Variants in ZGRF1 observed in about 807,000 individuals in gnomAD.
The protein encoded by ZGRF1 is 5'-3' DNA helicase ZGRF1.
A neutral mutation model predicts 203.5 loss-of-function variants in ZGRF1; 196 were observed. The observed-to-expected ratio is 0.96, with a 90% confidence interval of 0.86 to 1.08. The LOEUF is 1.08. Ranked by LOEUF, ZGRF1 falls within the 50% of genes least tolerant of loss-of-function variation. ZGRF1 has a pLI of 0.00. For synonymous variants in ZGRF1, 809 were observed against 841.3 expected, an observed-to-expected ratio of 0.96 and a Z score of 0.66; for missense variants, 2,326 against 2,416.3, an observed-to-expected ratio of 0.96 and a Z score of 0.78.
At chr4:112,595,404 A>C (rs1443417990) in intron 10 of ZGRF1, among the ~76,000 whole-genome samples, 1 of 152,222 alleles carries the variant, frequency 6.6e-6, no homozygotes, top group Admixed American at 6.5e-5. Context: ...AAGAGAACAA[A>C]GCAGTGTAAT....
intron 1 of ZGRF1, among the ~76,000 whole-genome samples, chr4:112,634,623 C>T (rs539244606): frequency 1.3e-5 from 2 of 151,770 alleles, no homozygotes; most frequent in African/African-American, 2.4e-5. Flanking sequence ...TGCACTCCAG[C>T]CTGGGCGACA....
intron 16 of ZGRF1, among the ~76,000 whole-genome samples, chr4:112,580,215 G>A (rs1388597007): frequency 8.0e-6 from 1 of 124,550 alleles, no homozygotes; most frequent in African/African-American, 2.8e-5. Context: ...GGGAAAACTG[G>A]CTAGCCATAT....
chr4:112,539,471 A>G lies in ZGRF1; in HGVS notation c.*76T>C. ...TATTTTTAATAAGAGGGTTTAGAGT[A>G]ATAAAAATATAAAAAATATATCATG... On this transcript the variant is annotated 3_prime_UTR_variant, in exon 28 of 28. Coordinates refer to ENST00000505019, the MANE Select transcript of ZGRF1 (RefSeq NM_018392.5). 1.3e-6 allele frequency: 1 copy of G among 777,854 alleles called. No homozygotes were observed. 48.2% of individuals were successfully genotyped at this position (777,854 alleles called of 1,614,324 possible). A position where few individuals can be genotyped will look rare whatever the true frequency, so the allele number is the denominator to read the frequency against.
chr4:112,628,325 G>A (rs2047302233), intron 3 of ZGRF1, among the ~76,000 whole-genome samples: 1 of 152,082 alleles, frequency 6.6e-6, no homozygotes, highest in South Asian at 2.1e-4. Context: ...AAGAACAGAG[G>A]CACTGAGATT....
intron 10 of ZGRF1, among the ~76,000 whole-genome samples, chr4:112,596,095 T>C (rs1281080502): frequency 6.6e-6 from 1 of 152,214 alleles, no homozygotes; most frequent in East Asian, 1.9e-4. Context: ...GAAATAAAAA[T>C]AATGGACATA....
At chr4:112,573,081 C>T (rs772975955) in intron 16 of ZGRF1, among the ~76,000 whole-genome samples, 15 of 151,648 alleles carry the variant, frequency 9.9e-5, no homozygotes, top group Non-Finnish European at 1.9e-4. Context: ...GATACTTACA[C>T]GTTTATAGCA....
intron 24 of ZGRF1, among the ~76,000 whole-genome samples, chr4:112,546,553 G>A (rs1236859891): frequency 6.6e-6 from 1 of 152,200 alleles, no homozygotes; most frequent in Non-Finnish European, 1.5e-5. Flanking sequence ...TGAGAGGTGG[G>A]ACTTTCAAAA....
In ZGRF1 at chr4:112,619,264, T is replaced by TAA. The variant is rs2046987474; in HGVS notation, c.777_778insTT (p.Lys260LeufsTer12). On this transcript the variant is annotated frameshift_variant, in exon 6 of 28. Coordinates refer to ENST00000505019, the MANE Select transcript of ZGRF1 (RefSeq NM_018392.5). LOFTEE classifies it high-confidence loss of function. Reference sequence around the variant, plus strand: ...TCACATGAACTAGATGATTCGGACTTCAGAAGAGCTAATATCTGTGCTTTG... The same window carrying TAA: ...TCACATGAACTAGATGATTCGGACTTAACAGAAGAGCTAATATCTGTGCTTTG... The TAA allele has an allele frequency of 6.2e-7, 1 of 1,613,236 alleles. No homozygotes were observed. The highest frequency in any genetic ancestry group is 1.3e-5 in the African/African-American group (1 of 74,932).
At chr4:112,620,286 A>ACACC in intron 4 of ZGRF1, 96 bp from the exon 5 acceptor site, 2 of 788,954 alleles carry the variant, frequency 2.5e-6, no homozygotes, top group African/African-American at 1.8e-5. Context: ...TGGGTGTTCA[A>ACACC]TAAATAGGTG....
intron 6 of ZGRF1, among the ~76,000 whole-genome samples, chr4:112,615,713 A>G (rs757097260): frequency 1.1e-4 from 17 of 150,962 alleles, no homozygotes; most frequent in South Asian, 8.4e-4. Context: ...GGCTCACTGC[A>G]ACCTCCACCT....
chr4:112,563,180 T>C lies in ZGRF1; in HGVS notation c.4533A>G (p.Ile1511Met), dbSNP rs745706635. Residue 1511 changes from isoleucine (I) to methionine (M), a missense_variant, in exon 17 of 28, where the codon ATA becomes ATG. Ile to Met is a conservative substitution (Grantham distance 10). Coordinates refer to ENST00000505019, the MANE Select transcript of ZGRF1 (RefSeq NM_018392.5). ...AATAGCCTTTCAAAGGCAGTATTTC[T>C]ATCTCATTGATAGATGATGGTCCAA... ...AFFGPSSINE[I>M]EILPLKGYFP... The C allele has an allele frequency of 9.7e-6, 15 of 1,550,368 alleles. No individual in the cohort carries two copies. In the South Asian group the frequency reaches 1.3e-4, roughly 14 times the overall value.
intron 7 of ZGRF1, chr4:112,610,752 C>T (rs1009991853): frequency 6.5e-6 from 1 of 154,700 alleles, no homozygotes; most frequent in Middle Eastern, 5.3e-4. Flanking sequence ...TAGCAAAATG[C>T]TGGAAATTAT....
At position 112,603,840 on chromosome 4, in the gene ZGRF1, C is replaced by T. The variant is rs766859119; in HGVS notation, c.2803-143G>A. The T allele has an allele frequency of 3.8e-4, 208 of 551,300 alleles. 1 individual carries two copies. The highest frequency in any genetic ancestry group is 5.5e-4 in the Non-Finnish European group (179 of 327,136). The allele number at this position is 551,300 out of a possible 1,614,324, so 34.2% of individuals were successfully genotyped here. A position where few individuals can be genotyped will look rare whatever the true frequency, so the allele number is the denominator to read the frequency against. On this transcript the variant is annotated intron_variant, in intron 9 of 27. Transcript: ENST00000505019. ...AATACCAGGAACTAATGCTGAAAACCGGGAAATTCTCCTATTATCCTAAAA... is the reference window on the plus strand; with the variant it reads ...AATACCAGGAACTAATGCTGAAAACTGGGAAATTCTCCTATTATCCTAAAA...
chr4:112,599,106 G>A (rs1437079353), intron 10 of ZGRF1, among the ~76,000 whole-genome samples: 1 of 151,860 alleles, frequency 6.6e-6, no homozygotes, highest in South Asian at 2.1e-4. Flanking sequence ...ATGACAAAGG[G>A]TTAATTTTCT....
Position 112,585,646 on chromosome 4 carries a change from T to C in ZGRF1, c.3996A>G (p.Thr1332=), listed in dbSNP as rs1449103175. 6.2e-7 allele frequency: 1 copy of C among 1,610,304 alleles called. No homozygotes were observed. Among genetic ancestry groups the C allele is most frequent in the Non-Finnish European group, 8.5e-7 (1 of 1,178,298 alleles). ...ALSKVDISFY[T]SLKGEKLKNA... ...TTTTCAGTTTCTCTCCCTTCAATGA[T>C]GTATAAAATGATATGTCAACTTTTG... is the stretch of plus-strand genomic sequence containing the variant. The change falls in exon 14 of 28, where the codon ACA becomes ACG. Residue 1332 remains threonine (T), a synonymous_variant. Transcript: ENST00000505019.
rs575799166 is a variant in ZGRF1 at position 112,578,012 on chromosome 4, T to C, written c.4438+3651A>G. On this transcript the variant is annotated intron_variant, in intron 16 of 27. Transcript: ENST00000505019. ...GCACCACACCACACCTATTCCAAAATTGACCATATAGTTGGAAGTAAAACA... is the reference window on the plus strand; with the variant it reads ...GCACCACACCACACCTATTCCAAAACTGACCATATAGTTGGAAGTAAAACA... Among the ~76,000 whole-genome samples the C allele has an allele frequency of 1.6e-4, 20 of 122,572 alleles. 3 individuals are homozygous for C. Among genetic ancestry groups the C allele is most frequent in the Middle Eastern group, 3.8e-3 (1 of 262 alleles). The allele number at this position is 122,572 out of a possible 152,430, so 80.4% of individuals were successfully genotyped here. A position where few individuals can be genotyped will look rare whatever the true frequency, so the allele number is the denominator to read the frequency against.
chr4:112,632,029 A>G lies in ZGRF1; in HGVS notation c.22-19T>C. The G allele has an allele frequency of 8.0e-7, 1 of 1,257,412 alleles. No individual in the cohort carries two copies. Among genetic ancestry groups the G allele is most frequent in the Non-Finnish European group, 1.1e-6 (1 of 902,512 alleles). 77.9% of individuals were successfully genotyped at this position (1,257,412 alleles called of 1,614,324 possible). On this transcript the variant is annotated intron_variant, in intron 2 of 27. Coordinates refer to ENST00000505019, the MANE Select transcript of ZGRF1 (RefSeq NM_018392.5). Reference sequence around the variant, plus strand: ...ATAGAACCTTATTTCCAAAAATACAAAAGAAATGGTTTCCATTTATATATA... The same window carrying G: ...ATAGAACCTTATTTCCAAAAATACAGAAGAAATGGTTTCCATTTATATATA...
chr4:112,625,477 C>T (rs1230522104), intron 3 of ZGRF1, among the ~76,000 whole-genome samples: 2 of 148,594 alleles, frequency 1.3e-5, no homozygotes, highest in Non-Finnish European at 3.0e-5. Flanking sequence ...CCCAGCTATT[C>T]GGGAGGCTGA....
chr4:112,579,279 A>G (rs1364660516), intron 16 of ZGRF1, among the ~76,000 whole-genome samples: 2 of 123,112 alleles, frequency 1.6e-5, no homozygotes, highest in Admixed American at 1.9e-4. Context: ...TCTCAAAATA[A>G]TAAGAGCTAT....
Sources: allele counts gnomAD v4.1 joint callset (sites outside exome capture counted in the v4.1 genomes callset), GRCh38; gene constraint gnomAD v4.1.1; transcripts MANE v1.5; gene names NCBI Gene and HGNC (gene_info 2026-07-23, HGNC 2026-07-21).